Variants in KDM4C observed in about 807,000 individuals in gnomAD.
The protein encoded by KDM4C is lysine demethylase 4C, also known as lysine-specific demethylase 4C.
Under a neutral mutation model 129.3 loss-of-function variants are expected in KDM4C, and 81 were observed. The observed-to-expected ratio is 0.63, with a 90% CI of 0.52 to 0.75. KDM4C has a LOEUF of 0.75. Among genes scored for constraint, KDM4C ranks in the 30% least tolerant of loss-of-function variants. The pLI is 0.00. For synonymous variants in KDM4C, 573 were observed against 456.1 expected, an observed-to-expected ratio of 1.26 and a Z score of -3.26; for missense variants, 1,457 against 1,304.0, an observed-to-expected ratio of 1.12 and a Z score of -1.81.
intron 19 of KDM4C, among the ~76,000 whole-genome samples, chr9:7,147,309 T>TTGCAG (rs751843667): frequency 6.6e-5 from 10 of 152,156 alleles, no homozygotes; most frequent in Non-Finnish European, 1.2e-4. Flanking sequence ...AGAACAAACA[T>TTGCAG]TGCAGAGCAG....
intron 8 of KDM4C, among the ~76,000 whole-genome samples, chr9:6,932,693 C>T (rs1435231729): frequency 1.3e-5 from 2 of 152,166 alleles, no homozygotes; most frequent in East Asian, 3.9e-4. Context: ...CATTTCTACT[C>T]CTTCATTGGT....
intron 4 of KDM4C, chr9:6,835,014 C>T (rs1433471672): frequency 1.1e-6 from 1 of 948,830 alleles, no homozygotes; most frequent in African/African-American, 1.6e-5. Context: ...GACCTGACTA[C>T]CTCATGAAGA....
At chr9:6,815,834 T>C (rs1831984908) in intron 4 of KDM4C, among the ~76,000 whole-genome samples, 1 of 152,244 alleles carries the variant, frequency 6.6e-6, no homozygotes, top group African/African-American at 2.4e-5. Flanking sequence ...ATACTTGATC[T>C]ATAGTTAATA....
intron 15 of KDM4C, among the ~76,000 whole-genome samples, chr9:7,030,838 G>A (rs1255884797): frequency 6.6e-6 from 1 of 152,012 alleles, no homozygotes; most frequent in Non-Finnish European, 1.5e-5. Context: ...CTATTGCCAT[G>A]CTATCAAAAA....
At chr9:6,776,700 G>A (rs1005948431) in intron 1 of KDM4C, among the ~76,000 whole-genome samples, 7 of 149,966 alleles carry the variant, frequency 4.7e-5, no homozygotes, top group Non-Finnish European at 8.9e-5. Context: ...CACCTCCTGG[G>A]TTCAAGCGAT....
chr9:7,072,309 A>C (rs1332621171), intron 17 of KDM4C, among the ~76,000 whole-genome samples: 1 of 152,224 alleles, frequency 6.6e-6, no homozygotes, highest in Non-Finnish European at 1.5e-5. Flanking sequence ...CTAGGAATTT[A>C]CTTAAGAGAA....
At chr9:6,833,089 G>T (rs968136550) in intron 4 of KDM4C, among the ~76,000 whole-genome samples, 3 of 152,010 alleles carry the variant, frequency 2.0e-5, no homozygotes, top group African/African-American at 7.2e-5. Context: ...AAGGTACCTT[G>T]ATGGTTCTGA....
intron 8 of KDM4C, among the ~76,000 whole-genome samples, chr9:6,977,607 T>G (rs539355126): frequency 1.4e-3 from 206 of 152,272 alleles, no homozygotes; most frequent in African/African-American, 4.8e-3. Context: ...CATCCTACCT[T>G]GGACACCTGG....
chr9:7,009,094 TAAAG>T (rs1370593552), intron 12 of KDM4C, among the ~76,000 whole-genome samples: 1 of 152,136 alleles, frequency 6.6e-6, no homozygotes, highest in Non-Finnish European at 1.5e-5. Flanking sequence ...ATAATAATCT[TAAAG>T]AAGCTCAATG....
rs566306691 is a variant in KDM4C, at chr9:6,809,934, G to T, written c.320+4160G>T. 7.9e-5 allele frequency among the ~76,000 whole-genome samples: 12 copies of T among 152,220 alleles called. No homozygotes were observed. The South Asian group carries it at 1.9e-3, about 24-fold the overall frequency. ...GTGCCTGGGAGGTTGATGCTACCGT[G>T]AGTCGTGATTGCACCGTTGTACTCC... On this transcript the variant is annotated intron_variant, in intron 3 of 21. Coordinates refer to ENST00000381309, the MANE Select transcript of KDM4C (RefSeq NM_015061.6).
chr9:7,005,744 T>C (rs1332562164), intron 12 of KDM4C, among the ~76,000 whole-genome samples: 1 of 152,224 alleles, frequency 6.6e-6, no homozygotes, highest in Non-Finnish European at 1.5e-5. Flanking sequence ...ATAGCAGCTT[T>C]ATGGCTATCT....
At chr9:7,029,684 A>G (rs1389371577) in intron 15 of KDM4C, among the ~76,000 whole-genome samples, 2 of 152,224 alleles carry the variant, frequency 1.3e-5, no homozygotes, top group Non-Finnish European at 2.9e-5. Flanking sequence ...GTTTCTCTCC[A>G]GGAAATTTGG....
chr9:6,883,046 T>C (rs1214321120), intron 6 of KDM4C, among the ~76,000 whole-genome samples: 1 of 152,082 alleles, frequency 6.6e-6, no homozygotes, highest in Non-Finnish European at 1.5e-5. Flanking sequence ...GATCGTTTGG[T>C]CCGAAAAGGA....
rs1018093291 is a variant in KDM4C, at chr9:6,917,213, C to T, written c.921+23981C>T. On this transcript the variant is annotated intron_variant, in intron 8 of 21. Coordinates refer to ENST00000381309, the MANE Select transcript of KDM4C (RefSeq NM_015061.6). ...TGCCTCCCTTACTCAGTCTTCTGGTCTTAATATGAGCACCATATAGGTATC... is the reference window on the plus strand; with the variant it reads ...TGCCTCCCTTACTCAGTCTTCTGGTTTTAATATGAGCACCATATAGGTATC... Among the ~76,000 whole-genome samples the T allele has an allele frequency of 1.2e-4, 18 of 152,238 alleles. No individual in the cohort carries two copies. The South Asian group carries it at 3.7e-3, about 32-fold the overall frequency.
chr9:6,956,145 G>A (rs993813548), intron 8 of KDM4C, among the ~76,000 whole-genome samples: 2 of 151,960 alleles, frequency 1.3e-5, no homozygotes, highest in African/African-American at 2.4e-5. Context: ...ATGGTTAATG[G>A]GTACAAAAAA....
At chr9:6,990,136 T>C (rs866739839) in intron 11 of KDM4C, among the ~76,000 whole-genome samples, 13 of 152,168 alleles carry the variant, frequency 8.5e-5, no homozygotes, top group African/African-American at 2.7e-4. Flanking sequence ...ACTGCTGAGC[T>C]TATTGCAGGT....
chr9:6,972,410 T>C (rs1430529991), intron 8 of KDM4C, among the ~76,000 whole-genome samples: 1 of 152,196 alleles, frequency 6.6e-6, no homozygotes, highest in African/African-American at 2.4e-5. Flanking sequence ...TATACCATAA[T>C]TTTTTAAAGG....
chr9:6,737,497 C>CT (rs1159977785), intron 1 of KDM4C, among the ~76,000 whole-genome samples: 181 of 1,474 alleles, frequency 0.12, no homozygotes, highest in Middle Eastern at 0.25. Context: ...CCCATCTCTA[C>CT]TAAAAAAAAT....
intron 19 of KDM4C, among the ~76,000 whole-genome samples, chr9:7,158,516 G>A (rs781075834): frequency 1.8e-4 from 28 of 152,162 alleles, no homozygotes; most frequent in Non-Finnish European, 3.1e-4. Context: ...CTGCTTAAAT[G>A]TGTCCCAGAG....
Sources: allele counts gnomAD v4.1 joint callset (sites outside exome capture counted in the v4.1 genomes callset), GRCh38; gene constraint gnomAD v4.1.1; transcripts MANE v1.5; gene names NCBI Gene and HGNC (gene_info 2026-07-23, HGNC 2026-07-21).